Variants in RSRC1 observed in about 807,000 individuals in gnomAD.
The protein encoded by RSRC1 is arginine and serine rich coiled-coil 1.
A neutral mutation model predicts 49.1 loss-of-function variants in RSRC1; 39 were observed. The ratio of observed to expected loss-of-function variants is 0.79; its 90% confidence interval spans 0.61 to 1.04. The LOEUF is 1.04. RSRC1 is among the 50% of genes least tolerant of loss of function. The probability of loss-of-function intolerance (pLI) is 0.00; values close to 1 mark genes in which losing one functional copy is unlikely to be tolerated. For synonymous variants in RSRC1, 143 were observed against 130.8 expected, an observed-to-expected ratio of 1.09 and a Z score of -0.63; for missense variants, 388 against 402.4, an observed-to-expected ratio of 0.96 and a Z score of 0.31.
At chr3:158,165,623 A>G (rs1718489491) in intron 3 of RSRC1, among the ~76,000 whole-genome samples, 1 of 152,254 alleles carries the variant, frequency 6.6e-6, no homozygotes, top group Admixed American at 6.5e-5. Context: ...AACCTGAAGT[A>G]GTCCAAGCGA....
intron 3 of RSRC1, among the ~76,000 whole-genome samples, chr3:158,188,218 T>C (rs1426830234): frequency 6.6e-6 from 1 of 151,982 alleles, no homozygotes; most frequent in African/African-American, 2.4e-5. Flanking sequence ...GGAATTTTTC[T>C]GTTTTCCAGT....
chr3:158,357,228 T>A (rs1731208002), intron 6 of RSRC1, among the ~76,000 whole-genome samples: 1 of 152,146 alleles, frequency 6.6e-6, no homozygotes, highest in Non-Finnish European at 1.5e-5. Flanking sequence ...TTGGGGGGAT[T>A]TGTTACTATA....
At chr3:158,313,708 C>T (rs181650954) in intron 5 of RSRC1, among the ~76,000 whole-genome samples, 3 of 152,228 alleles carry the variant, frequency 2.0e-5, no homozygotes, top group South Asian at 2.1e-4. Flanking sequence ...CAAAGGAGAA[C>T]GATGTTGTGT....
At chr3:158,255,960 G>A (rs1724524972) in intron 4 of RSRC1, among the ~76,000 whole-genome samples, 1 of 152,048 alleles carries the variant, frequency 6.6e-6, no homozygotes, top group Non-Finnish European at 1.5e-5. Context: ...GGAGATTTTG[G>A]GCTGAGACAA....
chr3:158,134,313 A>T (rs1157098212), intron 3 of RSRC1, among the ~76,000 whole-genome samples: 1 of 152,180 alleles, frequency 6.6e-6, no homozygotes, highest in East Asian at 1.9e-4. Flanking sequence ...CCGTGTATTT[A>T]TAAGCATCCT....
intron 5 of RSRC1, among the ~76,000 whole-genome samples, chr3:158,337,513 G>T (rs993459768): frequency 3.3e-5 from 5 of 152,176 alleles, no homozygotes; most frequent in African/African-American, 1.2e-4. Flanking sequence ...GGGAAATGAT[G>T]ATGAGTTCCT....
At chr3:158,519,351 G>A (rs1030949073) in intron 7 of RSRC1, among the ~76,000 whole-genome samples, 9 of 151,902 alleles carry the variant, frequency 5.9e-5, no homozygotes, top group African/African-American at 2.2e-4. Flanking sequence ...TCGTATTAGA[G>A]AGTGACCAGT....
chr3:158,265,454 A>C (rs1725117154), intron 4 of RSRC1, among the ~76,000 whole-genome samples: 1 of 151,954 alleles, frequency 6.6e-6, no homozygotes, highest in Admixed American at 6.6e-5. Context: ...AAGATGGTGA[A>C]CCTCTGTCTC....
At chr3:158,440,525 T>G (rs568842720) in intron 6 of RSRC1, among the ~76,000 whole-genome samples, 1 of 152,224 alleles carries the variant, frequency 6.6e-6, no homozygotes, top group Admixed American at 6.6e-5. Context: ...TTATTGAAAT[T>G]TACATTTTAA....
At chr3:158,483,921 A>G (rs1004341791) in intron 7 of RSRC1, among the ~76,000 whole-genome samples, 12 of 152,104 alleles carry the variant, frequency 7.9e-5, no homozygotes, top group East Asian at 1.9e-4. Flanking sequence ...AGATTTAATT[A>G]TCACTCTGAG....
At chr3:158,265,697 T>C (rs1043356293) in intron 4 of RSRC1, among the ~76,000 whole-genome samples, 9 of 152,210 alleles carry the variant, frequency 5.9e-5, no homozygotes, top group African/African-American at 2.2e-4. Flanking sequence ...TGACTTTTTT[T>C]CCGCCACTTG....
chr3:158,512,622 T>G (rs1193410392), intron 7 of RSRC1, among the ~76,000 whole-genome samples: 2 of 151,886 alleles, frequency 1.3e-5, no homozygotes, highest in African/African-American at 4.8e-5. Flanking sequence ...CCATATAAAC[T>G]TTAAAGTAGT....
intron 6 of RSRC1, among the ~76,000 whole-genome samples, chr3:158,415,903 C>T (rs1035910304): frequency 6.6e-6 from 1 of 151,746 alleles, no homozygotes; most frequent in African/African-American, 2.4e-5. Context: ...GTTGTTTTTG[C>T]TTTATTTTAT....
intron 6 of RSRC1, among the ~76,000 whole-genome samples, chr3:158,376,174 T>A (rs1248725737): frequency 3.2e-5 from 3 of 94,568 alleles, no homozygotes. Context: ...CCTCCCTTCC[T>A]TCTTCCCTTC....
At chr3:158,296,563 G>A (rs1014310894) in intron 4 of RSRC1, among the ~76,000 whole-genome samples, 1 of 151,946 alleles carries the variant, frequency 6.6e-6, no homozygotes, top group African/African-American at 2.4e-5. Flanking sequence ...ATGTTCTTGT[G>A]AAAATGTAAA....
chr3:158,474,567 C>T (rs1738285652), intron 7 of RSRC1, among the ~76,000 whole-genome samples: 1 of 152,174 alleles, frequency 6.6e-6, no homozygotes, highest in South Asian at 2.1e-4. Flanking sequence ...TGAAAGACTT[C>T]TCTACAGCAC....
chr3:158,288,596 C>T (rs1172517593), intron 4 of RSRC1, among the ~76,000 whole-genome samples: 1 of 152,100 alleles, frequency 6.6e-6, no homozygotes, highest in Non-Finnish European at 1.5e-5. Flanking sequence ...TACCATCTTC[C>T]CCCGGTATCT....
chr3:158,353,453 G>A (rs1375973274), intron 5 of RSRC1, among the ~76,000 whole-genome samples: 2 of 152,154 alleles, frequency 1.3e-5, no homozygotes, highest in Non-Finnish European at 2.9e-5. Flanking sequence ...AAGCCAGTAG[G>A]CACTATGTAA....
At chr3:158,211,139 G>A (rs1445003672) in intron 4 of RSRC1, among the ~76,000 whole-genome samples, 2 of 151,918 alleles carry the variant, frequency 1.3e-5, no homozygotes, top group African/African-American at 2.4e-5. Flanking sequence ...TTTGCAAGAG[G>A]TATTACAAAA....
Sources: gnomAD v4.1 joint callset for allele counts (sites outside exome capture counted in the v4.1 genomes callset) on GRCh38, gnomAD v4.1.1 for gene constraint, MANE v1.5 for transcripts, NCBI Gene and HGNC (gene_info 2026-07-23, HGNC 2026-07-21) for gene names.